Variants in CDH18 observed in about 807,000 individuals in gnomAD.
The protein encoded by CDH18 is cadherin-18.
In CDH18, 31 loss-of-function variants were observed where a neutral mutation model predicts 67.9. The ratio of observed to expected loss-of-function variants is 0.46; its 90% CI spans 0.34 to 0.62. The LOEUF (loss-of-function observed/expected upper bound fraction) is 0.62. Ranked by LOEUF, CDH18 falls within the 20% of genes least tolerant of loss-of-function variation. CDH18 has a pLI of 0.01. For missense variants in CDH18, 890 were observed against 975.5 expected (o/e 0.91, Z 1.17); for synonymous variants, 362 against 347.2 (o/e 1.04, Z -0.48).
chr5:19,885,583 A>T (rs1366151641), intron 2 of CDH18, among the ~76,000 whole-genome samples: 1 of 152,186 alleles, frequency 6.6e-6, no homozygotes, highest in Non-Finnish European at 1.5e-5. Flanking sequence ...AGAGTTCTAC[A>T]GGGTCTTGAT....
chr5:19,599,416 T>G (rs1044877589), intron 6 of CDH18, among the ~76,000 whole-genome samples: 2 of 152,202 alleles, frequency 1.3e-5, no homozygotes, highest in Non-Finnish European at 2.9e-5. Context: ...ACAGATGTTA[T>G]GCTGCTTTAC....
intron 4 of CDH18, among the ~76,000 whole-genome samples, chr5:19,738,016 C>T (rs1296833190): frequency 2.0e-5 from 3 of 151,998 alleles, no homozygotes; most frequent in Non-Finnish European, 4.4e-5. Flanking sequence ...AAAATCGATT[C>T]ATGAATGGAT....
intron 5 of CDH18, among the ~76,000 whole-genome samples, chr5:19,712,891 G>C (rs986191772): frequency 1.3e-5 from 2 of 151,438 alleles, no homozygotes; most frequent in Non-Finnish European, 2.9e-5. Context: ...TGTGGCAGTA[G>C]GATAAATGAC....
At chr5:20,378,357 G>A (rs1743637558) in intron 1 of CDH18, among the ~76,000 whole-genome samples, 1 of 152,012 alleles carries the variant, frequency 6.6e-6, no homozygotes, top group Non-Finnish European at 1.5e-5. Context: ...ATTTTTAGTA[G>A]AGACGGGGTT....
intron 1 of CDH18, among the ~76,000 whole-genome samples, chr5:20,432,218 A>G (rs975787666): frequency 3.3e-5 from 5 of 152,164 alleles, no homozygotes; most frequent in African/African-American, 1.2e-4. Context: ...CAATTAGATA[A>G]GGTGTCAGCG....
At chr5:20,384,978 G>A (rs1744196338) in intron 1 of CDH18, among the ~76,000 whole-genome samples, 1 of 151,802 alleles carries the variant, frequency 6.6e-6, no homozygotes, top group Admixed American at 6.6e-5. Flanking sequence ...CTAAGATCAC[G>A]GGTGCCCACC....
chr5:20,040,094 A>G (rs1049058261), intron 2 of CDH18, among the ~76,000 whole-genome samples: 1 of 152,140 alleles, frequency 6.6e-6, no homozygotes, highest in African/African-American at 2.4e-5. Flanking sequence ...CAAACATATG[A>G]AAAAAACCTC....
chr5:19,695,733 T>G (rs577219005), intron 5 of CDH18, among the ~76,000 whole-genome samples: 16 of 152,164 alleles, frequency 1.1e-4, no homozygotes, highest in Non-Finnish European at 1.6e-4. Flanking sequence ...CAATCAGAAT[T>G]TATTGCAAGC....
chr5:19,479,297 T>A (rs557004273), intron 12 of CDH18, among the ~76,000 whole-genome samples: 1 of 152,178 alleles, frequency 6.6e-6, no homozygotes, highest in Non-Finnish European at 1.5e-5. Flanking sequence ...ATTTTACAAT[T>A]TGTTTAGCTG....
intron 4 of CDH18, among the ~76,000 whole-genome samples, chr5:19,736,336 G>A (rs1186489534): frequency 2.0e-5 from 3 of 152,076 alleles, no homozygotes; most frequent in Non-Finnish European, 2.9e-5. Flanking sequence ...AGCCATAATC[G>A]TGCTGCCACT....
chr5:19,678,655 T>G (rs4866039), intron 5 of CDH18, among the ~76,000 whole-genome samples: 136,984 of 151,834 alleles, frequency 0.9, 62,430 homozygotes, highest in Non-Finnish European at 0.96. Flanking sequence ...AATACCTTCC[T>G]AGACTACTAT....
intron 1 of CDH18, among the ~76,000 whole-genome samples, chr5:20,306,925 CAATG>C (rs903508177): frequency 2.1e-4 from 32 of 150,160 alleles, no homozygotes; most frequent in Non-Finnish European, 4.5e-5. Flanking sequence ...AAATAATTCT[CAATG>C]AATTTATGCC....
chr5:19,567,739 A>G (rs2149916029), intron 8 of CDH18, among the ~76,000 whole-genome samples: 1 of 152,316 alleles, frequency 6.6e-6, no homozygotes, highest in African/African-American at 2.4e-5. Flanking sequence ...TTAGTTCTCT[A>G]ACCAAAACAA....
In CDH18 at chr5:19,483,458, G is replaced by C. The variant is rs781649263; in HGVS notation, c.1725C>G (p.Ile575Met). 36 of 1,614,014 alleles carry C rather than the reference G, an allele frequency of 2.2e-5. No homozygotes were observed. The highest frequency in any genetic ancestry group is 6.7e-5 in the Admixed American group (4 of 60,000). Residue 575 changes from isoleucine to methionine, a missense_variant, in exon 12 of 13, where the codon ATC becomes ATG. Coordinates refer to ENST00000382275, the MANE Select transcript of CDH18 (RefSeq NM_004934.5). The stretch of plus-strand genomic sequence containing the variant: ...GGGTGCTGCTGCTGCTGAGAGAGGG[G>C]ATTCCACCATCAGAGATCATAATGG... Reference protein sequence around the residue: ...YLPIMISDGGIPSLSSSSTLT... With the variant: ...YLPIMISDGGMPSLSSSSTLT...
intron 1 of CDH18, among the ~76,000 whole-genome samples, chr5:20,533,065 A>C (rs1364740586): frequency 1.3e-5 from 2 of 151,988 alleles, no homozygotes; most frequent in African/African-American, 4.8e-5. Context: ...GGCCGTATTA[A>C]CTCATGTCAA....
chr5:19,650,587 A>C (rs920733886), intron 5 of CDH18, among the ~76,000 whole-genome samples: 1 of 152,084 alleles, frequency 6.6e-6, no homozygotes, highest in Non-Finnish European at 1.5e-5. Context: ...TTGGATTTCC[A>C]CAACAAGCAA....
chr5:19,786,031 A>T (rs1025313552), intron 3 of CDH18, among the ~76,000 whole-genome samples: 26 of 152,098 alleles, frequency 1.7e-4, no homozygotes, highest in African/African-American at 6.3e-4. Flanking sequence ...CAGTAACGAG[A>T]CATATTTCTG....
chr5:19,789,581 TTGA>T (rs1776151149), intron 3 of CDH18, among the ~76,000 whole-genome samples: 1 of 152,114 alleles, frequency 6.6e-6, no homozygotes, highest in Non-Finnish European at 1.5e-5. Flanking sequence ...CAATATCCCT[TTGA>T]TGATGACAAA....
intron 2 of CDH18, among the ~76,000 whole-genome samples, chr5:19,876,073 C>T (rs560590922): frequency 6.6e-6 from 1 of 151,946 alleles, no homozygotes; most frequent in African/African-American, 2.4e-5. Flanking sequence ...TGAGTCCTTG[C>T]CAAAGGGACA....
Sources: gnomAD v4.1 joint callset for allele counts (sites outside exome capture counted in the v4.1 genomes callset) on GRCh38, gnomAD v4.1.1 for gene constraint, MANE v1.5 for transcripts, NCBI Gene and HGNC (gene_info 2026-07-23, HGNC 2026-07-21) for gene names.